Variants in GALNTL6 observed in about 807,000 individuals in gnomAD.
The protein encoded by GALNTL6 is polypeptide N-acetylgalactosaminyltransferase like 6, also known as polypeptide N-acetylgalactosaminyltransferase-like 6.
GALNTL6 carries 46 observed loss-of-function variants against 73.7 expected under a neutral mutation model. That is an observed-to-expected ratio of 0.62 (90% CI 0.49 to 0.80). GALNTL6 has a LOEUF of 0.80. GALNTL6 is among the 30% of genes least tolerant of loss of function. The pLI, the probability that GALNTL6 is intolerant of heterozygous loss-of-function variation, is 0.00. For missense variants in GALNTL6, 604 were observed against 755.0 expected (o/e 0.80, Z 2.34); for synonymous variants, 259 against 263.7 (o/e 0.98, Z 0.17).
chr4:172,541,733 C>T (rs1056521944), intron 5 of GALNTL6, among the ~76,000 whole-genome samples: 2 of 152,162 alleles, frequency 1.3e-5, no homozygotes, highest in Non-Finnish European at 2.9e-5. Flanking sequence ...GAGAGGGCCA[C>T]ATGAGCAGTG....
At chr4:172,411,099 T>C (rs2111343350) in intron 5 of GALNTL6, among the ~76,000 whole-genome samples, 1 of 152,254 alleles carries the variant, frequency 6.6e-6, no homozygotes, top group South Asian at 2.1e-4. Flanking sequence ...TTTTTGATTT[T>C]TTCTGAATTT....
intron 3 of GALNTL6, among the ~76,000 whole-genome samples, chr4:172,299,204 G>T (rs1313836472): frequency 1.3e-5 from 2 of 151,990 alleles, no homozygotes; most frequent in Non-Finnish European, 2.9e-5. Flanking sequence ...CTGTGGAATT[G>T]GTGGTGATAT....
intron 5 of GALNTL6, among the ~76,000 whole-genome samples, chr4:172,729,566 ATT>A (rs1736029472): frequency 6.6e-6 from 1 of 151,946 alleles, no homozygotes; most frequent in South Asian, 2.1e-4. Context: ...TTATATCTGG[ATT>A]CTCTATTCTG....
chr4:172,346,502 G>C (rs567981656), intron 4 of GALNTL6, among the ~76,000 whole-genome samples: 2 of 152,204 alleles, frequency 1.3e-5, no homozygotes, highest in East Asian at 3.9e-4. Context: ...TCCTCTGCAG[G>C]CCACCTTCAA....
At chr4:172,915,124 C>A (rs1747433676) in intron 8 of GALNTL6, among the ~76,000 whole-genome samples, 2 of 152,304 alleles carry the variant, frequency 1.3e-5, no homozygotes, top group East Asian at 3.9e-4. Flanking sequence ...TACATGGAAA[C>A]TGAACAACCT....
chr4:172,375,350 C>A (rs1425843162), intron 5 of GALNTL6, among the ~76,000 whole-genome samples: 3 of 152,150 alleles, frequency 2.0e-5, no homozygotes, highest in African/African-American at 7.2e-5. Flanking sequence ...TGGGGCCAAG[C>A]CATAGTGCAG....
chr4:172,756,991 T>G (rs1737791946), intron 5 of GALNTL6, among the ~76,000 whole-genome samples: 1 of 152,246 alleles, frequency 6.6e-6, no homozygotes. Flanking sequence ...TTGTTTTACC[T>G]GCATTTTATC....
intron 2 of GALNTL6, among the ~76,000 whole-genome samples, chr4:172,195,353 C>A (rs1277286132): frequency 2.6e-5 from 4 of 152,110 alleles, no homozygotes; most frequent in Non-Finnish European, 5.9e-5. Context: ...TATTTTAACA[C>A]CCTACTGTCA....
chr4:172,402,575 C>T (rs910445618), intron 5 of GALNTL6, among the ~76,000 whole-genome samples: 1 of 152,030 alleles, frequency 6.6e-6, no homozygotes, highest in Non-Finnish European at 1.5e-5. Flanking sequence ...ACTGCTATTG[C>T]ATTGAAAAGT....
intron 2 of GALNTL6, among the ~76,000 whole-genome samples, chr4:171,832,741 A>G (rs1033321770): frequency 6.6e-6 from 1 of 151,794 alleles, no homozygotes; most frequent in Admixed American, 6.6e-5. Flanking sequence ...ATTCATTAAT[A>G]AGATTGATTT....
intron 5 of GALNTL6, among the ~76,000 whole-genome samples, chr4:172,736,062 A>C (rs1736441367): frequency 6.6e-6 from 1 of 152,226 alleles, no homozygotes; most frequent in Non-Finnish European, 1.5e-5. Flanking sequence ...TCACAAGGCC[A>C]GGGTGAAACT....
chr4:171,962,941 T>C (rs1157749706), intron 2 of GALNTL6, among the ~76,000 whole-genome samples: 1 of 151,876 alleles, frequency 6.6e-6, no homozygotes, highest in African/African-American at 2.4e-5. Context: ...CTAATTTTTG[T>C]ATTTTTAATA....
At chr4:173,008,682 A>G (rs866081032) in intron 10 of GALNTL6, among the ~76,000 whole-genome samples, 10 of 152,238 alleles carry the variant, frequency 6.6e-5, no homozygotes, top group African/African-American at 1.9e-4. Context: ...CACAGAGAGC[A>G]GCATAAGGTC....
intron 5 of GALNTL6, among the ~76,000 whole-genome samples, chr4:172,487,142 C>A (rs1733697354): frequency 6.6e-6 from 1 of 151,790 alleles, no homozygotes; most frequent in African/African-American, 2.4e-5. Flanking sequence ...ATAAAAAAAA[C>A]AAGAATAAAT....
At chr4:172,827,266 C>G (rs756092709) in intron 7 of GALNTL6, among the ~76,000 whole-genome samples, 2 of 152,154 alleles carry the variant, frequency 1.3e-5, no homozygotes, top group Non-Finnish European at 2.9e-5. Context: ...TCCCTTCACC[C>G]TGCTTCATAG....
At chr4:172,243,434 T>G (rs1299944423) in intron 3 of GALNTL6, among the ~76,000 whole-genome samples, 1 of 152,182 alleles carries the variant, frequency 6.6e-6, no homozygotes, top group African/African-American at 2.4e-5. Flanking sequence ...AATATATGAT[T>G]TCATGAAATA....
intron 5 of GALNTL6, among the ~76,000 whole-genome samples, chr4:172,404,047 A>T (rs1475105366): frequency 6.6e-6 from 1 of 152,012 alleles, no homozygotes; most frequent in African/African-American, 2.4e-5. Flanking sequence ...GCCCAGGGGT[A>T]GGCTTATTAT....
intron 3 of GALNTL6, among the ~76,000 whole-genome samples, chr4:172,238,273 C>A (rs560801836): frequency 6.6e-6 from 1 of 152,214 alleles, no homozygotes; most frequent in Non-Finnish European, 1.5e-5. Context: ...TCTCTGATTT[C>A]TTTGAGCAAT....
chr4:172,864,892 A>T (rs533665486), intron 7 of GALNTL6, among the ~76,000 whole-genome samples: 1 of 152,358 alleles, frequency 6.6e-6, no homozygotes, highest in South Asian at 2.1e-4. Flanking sequence ...AGGTGTCAAC[A>T]TAAATAAAGT....
Sources: gnomAD v4.1 joint callset for allele counts (sites outside exome capture counted in the v4.1 genomes callset) on GRCh38, gnomAD v4.1.1 for gene constraint, MANE v1.5 for transcripts, NCBI Gene and HGNC (gene_info 2026-07-23, HGNC 2026-07-21) for gene names.